Variants in CORIN observed in about 807,000 individuals in gnomAD.
CORIN encodes the protein atrial natriuretic peptide-converting enzyme.
A neutral mutation model predicts 125.3 loss-of-function variants in CORIN; 117 were observed. The ratio of observed to expected loss-of-function variants is 0.93; its 90% confidence interval spans 0.80 to 1.09. The LOEUF is 1.09. Ranked by LOEUF, CORIN falls within the 50% of genes least tolerant of loss-of-function variation. CORIN has a pLI of 0.00. For missense variants in CORIN, 1,253 were observed against 1,306.7 expected, an observed-to-expected ratio of 0.96 and a Z score of 0.63; for synonymous variants, 450 against 466.4, an observed-to-expected ratio of 0.96 and a Z score of 0.45.
rs565549486 is a variant in CORIN at position 47,594,650 on chromosome 4, G to T, written c.*1071C>A. On this transcript the variant is annotated 3_prime_UTR_variant, in exon 22 of 22. Transcript: ENST00000273857. ...TCTAAAATATGCTCTTTATGACTTTGTTGGTATGGATGAACGCAAGAAAAC... is the reference window on the plus strand; with the variant it reads ...TCTAAAATATGCTCTTTATGACTTTTTTGGTATGGATGAACGCAAGAAAAC... The T allele has an allele frequency of 6.6e-6, 1 of 152,146 alleles. No homozygotes were observed. Among genetic ancestry groups the T allele is most frequent in the African/African-American group, 2.4e-5 (1 of 41,436 alleles). The allele number at this position is 152,146 out of a possible 1,614,324, so 9.4% of individuals were successfully genotyped here. A position where few individuals can be genotyped will look rare whatever the true frequency, so the allele number is the denominator to read the frequency against.
intron 21 of CORIN, among the ~76,000 whole-genome samples, chr4:47,599,101 C>T (rs1302318634): frequency 6.6e-6 from 1 of 152,184 alleles, no homozygotes; most frequent in Non-Finnish European, 1.5e-5. Context: ...GTGCCCCACA[C>T]CCACATCATG....
intron 2 of CORIN, among the ~76,000 whole-genome samples, chr4:47,793,421 G>A (rs1434647432): frequency 6.6e-6 from 1 of 152,154 alleles, no homozygotes; most frequent in East Asian, 1.9e-4. Context: ...CCATTTAATG[G>A]ACAGTTAAAG....
chr4:47,641,641 T>C (rs1723234716), intron 16 of CORIN, among the ~76,000 whole-genome samples: 2 of 152,242 alleles, frequency 1.3e-5, no homozygotes, highest in African/African-American at 4.8e-5. Flanking sequence ...ATGATTGTAA[T>C]GCTTTTATAA....
intron 5 of CORIN, among the ~76,000 whole-genome samples, chr4:47,710,198 C>T (rs1425124279): frequency 6.6e-6 from 1 of 152,162 alleles, no homozygotes. Flanking sequence ...CTATTTTCAA[C>T]TTCAAGGGAA....
At chr4:47,600,093 A>G (rs1721393066) in intron 21 of CORIN, 121 bp downstream of exon 21, 4 of 853,968 alleles carry the variant, frequency 4.7e-6, no homozygotes, top group African/African-American at 1.7e-5. Context: ...ATAATTAAAC[A>G]TTTGGCAACA....
intron 5 of CORIN, among the ~76,000 whole-genome samples, chr4:47,707,178 C>CT (rs1271068721): frequency 2.0e-5 from 3 of 152,060 alleles, no homozygotes; most frequent in East Asian, 3.9e-4. Flanking sequence ...ATAAGATAAA[C>CT]TTTTTTATCT....
intron 10 of CORIN, among the ~76,000 whole-genome samples, chr4:47,666,218 T>A (rs949726816): frequency 9.2e-5 from 14 of 152,332 alleles, no homozygotes; most frequent in Admixed American, 6.5e-4. Context: ...TGCAATAGCG[T>A]CTTAGGCACA....
intron 3 of CORIN, among the ~76,000 whole-genome samples, chr4:47,774,988 A>G (rs1196584489): frequency 6.6e-6 from 1 of 152,218 alleles, no homozygotes; most frequent in Non-Finnish European, 1.5e-5. Flanking sequence ...ACCAATGGGT[A>G]TAGAGTTTCA....
At chr4:47,811,039 C>T (rs552363353) in intron 1 of CORIN, among the ~76,000 whole-genome samples, 21 of 152,192 alleles carry the variant, frequency 1.4e-4, no homozygotes, top group Admixed American at 3.3e-4. Flanking sequence ...ATATGCAAAA[C>T]GAAACTCTCT....
intron 5 of CORIN, among the ~76,000 whole-genome samples, chr4:47,697,264 G>A (rs1274480869): frequency 2.0e-5 from 3 of 152,276 alleles, no homozygotes; most frequent in African/African-American, 7.2e-5. Flanking sequence ...AGGTGAGAAA[G>A]GGGAGAGAAA....
chr4:47,707,381 C>T (rs1284294699), intron 5 of CORIN, among the ~76,000 whole-genome samples: 2 of 152,318 alleles, frequency 1.3e-5, no homozygotes, highest in South Asian at 2.1e-4. Context: ...CCAAAAACTT[C>T]ATAAAATGTG....
At chr4:47,834,225 T>C (rs1432763636) in intron 1 of CORIN, among the ~76,000 whole-genome samples, 5 of 152,164 alleles carry the variant, frequency 3.3e-5, no homozygotes, top group Non-Finnish European at 7.3e-5. Flanking sequence ...AAATGGGGTA[T>C]ATATAAACAG....
chr4:47,786,287 C>T (rs1730801500), intron 3 of CORIN, among the ~76,000 whole-genome samples: 1 of 152,124 alleles, frequency 6.6e-6, no homozygotes, highest in African/African-American at 2.4e-5. Context: ...GTAATCCTGG[C>T]ACTTTGGGAG....
At chr4:47,812,228 T>A (rs1171975666) in intron 1 of CORIN, among the ~76,000 whole-genome samples, 1 of 152,166 alleles carries the variant, frequency 6.6e-6, no homozygotes, top group Non-Finnish European at 1.5e-5. Flanking sequence ...CTGGGCACAA[T>A]GGCTCATACC....
rs545111271 is a variant in CORIN, at chr4:47,673,870, C to T, written c.1357+523G>A. Among the ~76,000 whole-genome samples the T allele has an allele frequency of 2.0e-5, 3 of 152,214 alleles. No homozygotes were observed. The South Asian group carries it at 6.2e-4, about 32-fold the overall frequency. On this transcript the variant is annotated intron_variant, in intron 10 of 21. Coordinates refer to ENST00000273857, the MANE Select transcript of CORIN (RefSeq NM_006587.4). Reference sequence around the variant, plus strand: ...CCTGTAATCCTAGCTACTGTGGAGGCTGAGGCAGAAGAATCACTTGAATTT... The same window carrying T: ...CCTGTAATCCTAGCTACTGTGGAGGTTGAGGCAGAAGAATCACTTGAATTT...
Position 47,680,251 on chromosome 4 carries a change from T to C in CORIN, c.1022A>G (p.Asp341Gly), listed in dbSNP as rs1725211268. 1.2e-6 allele frequency: 2 copies of C among 1,611,980 alleles called. No homozygotes were observed. Among genetic ancestry groups the C allele is most frequent in the Admixed American group, 1.7e-5 (1 of 59,984 alleles). ...CGDLSDEQNC[D>G]CNPTTEHRCG... ...GCGATGCTCTGTTGTGGGATTGCAA[T>C]CTGGAGAAATGAAAACTCACGAGGA... Residue 341 changes from aspartate (D) to glycine (G), a missense_variant and splice_region_variant, in exon 8 of 22, where the codon GAT becomes GGT. Asp to Gly is a moderately conservative substitution (Grantham distance 94). Transcript: ENST00000273857.
intron 6 of CORIN, among the ~76,000 whole-genome samples, chr4:47,690,609 C>T (rs1725724314): frequency 6.6e-6 from 1 of 152,180 alleles, no homozygotes; most frequent in Non-Finnish European, 1.5e-5. Flanking sequence ...AGCATAATCT[C>T]CTCTGACAGT....
At chr4:47,774,157 T>C (rs1408918606) in intron 3 of CORIN, among the ~76,000 whole-genome samples, 2 of 152,192 alleles carry the variant, frequency 1.3e-5, no homozygotes, top group African/African-American at 4.8e-5. Context: ...GTAAGAATGA[T>C]TTTTATAGGT....
At chr4:47,632,120 TA>T (rs1462940994) in intron 16 of CORIN, 2 of 152,174 alleles carry the variant, frequency 1.3e-5, no homozygotes, top group Non-Finnish European at 2.9e-5. Context: ...GCTGCTTACT[TA>T]AAAAACGAAG....
Sources: gnomAD v4.1 joint callset for allele counts (sites outside exome capture counted in the v4.1 genomes callset) on GRCh38, gnomAD v4.1.1 for gene constraint, MANE v1.5 for transcripts, NCBI Gene and HGNC (gene_info 2026-07-23, HGNC 2026-07-21) for gene names.